RP1L1: variants seen among roughly 807,000 people sequenced by gnomAD.
RP1L1 encodes the protein retinitis pigmentosa 1-like 1 protein.
Under a neutral mutation model 15.7 loss-of-function variants are expected in RP1L1, and 27 were observed. That is an observed-to-expected ratio of 1.72 (90% CI 1.27 to 2.38). The LOEUF (loss-of-function observed/expected upper bound fraction) is 2.38, where lower values mean the gene tolerates loss of function less well. RP1L1 is among the 30% of genes most tolerant of loss of function. The pLI is 0.00. For missense variants in RP1L1, 4,798 were observed against 3,075.9 expected (o/e 1.56, Z -13.24); for synonymous variants, 1,813 against 1,276.7 (o/e 1.42, Z -8.96).
chr8:10,617,082 G>A (rs974725485), intron 2 of RP1L1, among the ~76,000 whole-genome samples: 3 of 151,974 alleles, frequency 2.0e-5, no homozygotes, highest in Non-Finnish European at 4.4e-5. Flanking sequence ...GAGGGGAGAG[G>A]GGCTAGGCAC....
At chr8:10,640,660 T>G (rs1000340889) in intron 1 of RP1L1, among the ~76,000 whole-genome samples, 1 of 150,786 alleles carries the variant, frequency 6.6e-6, no homozygotes, top group South Asian at 2.1e-4. Flanking sequence ...CTCAAAATAA[T>G]AATAATAATT....
In RP1L1 at chr8:10,610,527, C is replaced by A. The variant is rs1207551571; in HGVS notation, c.3571G>T (p.Glu1191Ter). 6.2e-7 allele frequency: 1 copy of A among 1,613,744 alleles called. No homozygotes were observed. The highest frequency in any genetic ancestry group is 1.1e-5 in the South Asian group (1 of 91,084). ...LPDLGSHAMT[E>*]NFTPTSSSGV... is the part of the protein sequence containing the mutation. ...GAGGAGGATGTGGGCGTGAAGTTCT[C>A]CGTCATGGCATGGGACCCAAGGTCT... Residue 1191 changes from glutamate to a stop codon, truncating the protein, a stop_gained, in exon 4 of 4, where the codon GAG becomes TAG. Transcript: ENST00000382483. LOFTEE classifies it low-confidence loss of function (END_TRUNC).
intron 2 of RP1L1, among the ~76,000 whole-genome samples, chr8:10,618,661 C>T (rs574418068): frequency 6.6e-6 from 1 of 152,088 alleles, no homozygotes; most frequent in South Asian, 2.1e-4. Flanking sequence ...CACAGCACTC[C>T]AAACTGGGCA....
At chr8:10,617,936 G>A (rs1195421841) in intron 2 of RP1L1, among the ~76,000 whole-genome samples, 2 of 152,102 alleles carry the variant, frequency 1.3e-5, no homozygotes, top group East Asian at 1.9e-4. Context: ...CCCACTAAAC[G>A]GTAGCTAACG....
intron 1 of RP1L1, among the ~76,000 whole-genome samples, chr8:10,635,914 T>C (rs567679347): frequency 1.3e-5 from 2 of 152,230 alleles, no homozygotes; most frequent in Non-Finnish European, 2.9e-5. Flanking sequence ...GGTCAGTCTA[T>C]AGCACCAACC....
At chr8:10,634,409 T>C (rs948258469) in intron 1 of RP1L1, among the ~76,000 whole-genome samples, 10 of 152,106 alleles carry the variant, frequency 6.6e-5, no homozygotes, top group Non-Finnish European at 1.2e-4. Context: ...TCAGCATCTG[T>C]GAGGCTCCTC....
intron 3 of RP1L1, among the ~76,000 whole-genome samples, chr8:10,613,789 A>G (rs1384859539): frequency 6.6e-6 from 1 of 151,858 alleles, no homozygotes; most frequent in East Asian, 1.9e-4. Flanking sequence ...GACCATTAAA[A>G]AAAGAAAAGA....
chr8:10,607,465 A>C lies in RP1L1; in HGVS notation c.6633T>G (p.Gly2211=). 1 of 1,607,886 alleles carries C rather than the reference A, an allele frequency of 6.2e-7. No homozygotes were observed. Among genetic ancestry groups the C allele is most frequent in the African/African-American group, 1.4e-5 (1 of 73,464 alleles). ...AEGEAQPELE[G]VEAPEAEEEA... ...CCTCTTCAGCCTCCGGGGCCTCTAC[A>C]CCTTCTAACTCTGGTTGGGCCTCCC... Residue 2211 remains glycine, a synonymous_variant, in exon 4 of 4, where the codon GGT becomes GGG. Coordinates refer to ENST00000382483, the MANE Select transcript of RP1L1 (RefSeq NM_178857.6).
At chr8:10,619,100 C>T (rs1798018105) in intron 2 of RP1L1, among the ~76,000 whole-genome samples, 1 of 152,176 alleles carries the variant, frequency 6.6e-6, no homozygotes, top group African/African-American at 2.4e-5. Flanking sequence ...AAACTCCTGA[C>T]CTCAAGTGAT....
chr8:10,611,242 AGACGAGCGG>A lies in RP1L1; in HGVS notation c.2847_2855del (p.Arg950_Ser952del). 1 of 1,612,870 alleles carries A rather than the reference AGACGAGCGG, an allele frequency of 6.2e-7. No individual in the cohort carries two copies. The highest frequency in any genetic ancestry group is 2.2e-5 in the East Asian group (1 of 44,842). On this transcript the variant is annotated inframe_deletion, in exon 4 of 4. Transcript: ENST00000382483. ...GCCATTCGCGGACCACAGCCTCTGG[AGACGAGCGG>A]GGCAGAGAGCTGGGTGACACACCAC... is the stretch of plus-strand genomic sequence containing the variant.
intron 1 of RP1L1, among the ~76,000 whole-genome samples, chr8:10,623,996 C>G (rs1798117755): frequency 6.6e-6 from 1 of 151,686 alleles, no homozygotes; most frequent in South Asian, 2.1e-4. Flanking sequence ...TCCCCGGCAT[C>G]ACCATGTCCC....
chr8:10,643,335 G>A (rs1426973740), intron 1 of RP1L1, among the ~76,000 whole-genome samples: 1 of 152,028 alleles, frequency 6.6e-6, no homozygotes. Context: ...GTGAGACCTT[G>A]CCTAGAAAAA....
At chr8:10,639,823 G>A (rs6996679) in intron 1 of RP1L1, among the ~76,000 whole-genome samples, 1,540 of 152,272 alleles carry the variant, frequency 0.01, 19 homozygotes, top group African/African-American at 0.035. Context: ...GATGAATGCC[G>A]TTTAACTCAA....
rs760566692 is a variant in RP1L1, at chr8:10,612,621, G to A, written c.1477C>T (p.Arg493Trp). ...TCACCCAGGCTCCCTCCAGCTTTCC[G>A]CTCAGCCCCTATCTGGGCAGAGGGG... ...ASPSAQIGAE[R>W]KAGGSLGEDP... Residue 493 changes from arginine (R) to tryptophan (W), a missense_variant, in exon 4 of 4, where the codon CGG becomes TGG. Coordinates refer to ENST00000382483, the MANE Select transcript of RP1L1 (RefSeq NM_178857.6). The A allele has an allele frequency of 2.1e-5, 33 of 1,601,890 alleles. No homozygotes were observed. Among genetic ancestry groups the A allele is most frequent in the Admixed American group, 8.3e-5 (5 of 59,942 alleles).
At chr8:10,618,798 C>T (rs768876375) in intron 2 of RP1L1, among the ~76,000 whole-genome samples, 1 of 152,204 alleles carries the variant, frequency 6.6e-6, no homozygotes, top group Non-Finnish European at 1.5e-5. Context: ...ATCCCACTCT[C>T]TTTCTGGTAT....
In RP1L1 at chr8:10,606,854, A is replaced by T. The variant is rs757508423; in HGVS notation, c.*41T>A. 2 of 1,613,004 alleles carry T rather than the reference A, an allele frequency of 1.2e-6. No individual in the cohort carries two copies. Among genetic ancestry groups the T allele is most frequent in the South Asian group, 2.2e-5 (2 of 91,032 alleles). Reference sequence around the variant, plus strand: ...TTGTAGAAAAAATATGAATAAAAACAGAGCTCCCAAGCTCGTGATTGTTTT... The same window carrying T: ...TTGTAGAAAAAATATGAATAAAAACTGAGCTCCCAAGCTCGTGATTGTTTT... On this transcript the variant is annotated 3_prime_UTR_variant, in exon 4 of 4. Coordinates refer to ENST00000382483, the MANE Select transcript of RP1L1 (RefSeq NM_178857.6).
intron 1 of RP1L1, among the ~76,000 whole-genome samples, chr8:10,652,937 T>C (rs1441001811): frequency 6.6e-6 from 1 of 152,170 alleles, no homozygotes; most frequent in Non-Finnish European, 1.5e-5. Flanking sequence ...GGCTCGGTCT[T>C]TGGGGATCGA....
Position 10,610,006 on chromosome 8 carries a change from T to TATTACTTTAGTCC in RP1L1, c.4091_4092insGGACTAAAGTAAT (p.Glu1365AspfsTer2), listed in dbSNP as rs1797801096. On this transcript the variant is annotated stop_gained and frameshift_variant, in exon 4 of 4. Transcript: ENST00000382483. LOFTEE classifies it low-confidence loss of function (END_TRUNC). Reference sequence around the variant, plus strand: ...GCACCCCCTCTTCTTGCAGCCCTTCTCCTCCTGTTTCTTCAATTTCCTCTA... The same window carrying TATTACTTTAGTCC: ...GCACCCCCTCTTCTTGCAGCCCTTCTATTACTTTAGTCCCCTCCTGTTTCTTCAATTTCCTCTA... 1 of 1,586,256 alleles carries TATTACTTTAGTCC rather than the reference T, an allele frequency of 6.3e-7. No individual in the cohort carries two copies. Among genetic ancestry groups the TATTACTTTAGTCC allele is most frequent in the African/African-American group, 1.4e-5 (1 of 73,474 alleles).
intron 1 of RP1L1, among the ~76,000 whole-genome samples, chr8:10,644,158 G>A (rs1399811544): frequency 5.3e-5 from 8 of 151,986 alleles, no homozygotes; most frequent in Admixed American, 1.3e-4. Flanking sequence ...CCCAAGCTCC[G>A]TTCGGGGACA....
Sources: gnomAD v4.1 joint callset for allele counts (sites outside exome capture counted in the v4.1 genomes callset) on GRCh38, gnomAD v4.1.1 for gene constraint, MANE v1.5 for transcripts, NCBI Gene and HGNC (gene_info 2026-07-23, HGNC 2026-07-21) for gene names.